Variants in ADD3 observed in about 807,000 individuals in gnomAD.
ADD3 encodes gamma-adducin.
ADD3 carries 25 observed loss-of-function variants against 80.2 expected under a neutral mutation model. That is an observed-to-expected ratio of 0.31 (90% CI 0.23 to 0.44). ADD3 has a LOEUF of 0.44. Ranked by LOEUF, ADD3 falls within the 20% of genes least tolerant of loss-of-function variation. The pLI, the probability that ADD3 is intolerant of heterozygous loss-of-function variation, is 1.00. For synonymous variants in ADD3, 284 were observed against 289.6 expected (o/e 0.98, Z 0.20); for missense variants, 829 against 847.5 (o/e 0.98, Z 0.27).
Position 110,050,497 on chromosome 10 carries a change from A to C in ADD3, c.-30+42198A>C, listed in dbSNP as rs185627948. ...CCCAGCCACGTGGAACTGTGAGTCC[A>C]TTAAACCTCTTTTTTTTTTTTTTTT... On this transcript the variant is annotated intron_variant, in intron 1 of 14. Coordinates refer to ENST00000356080, the MANE Select transcript of ADD3 (RefSeq NM_016824.5). Among the ~76,000 whole-genome samples, 439 of 144,280 alleles carry C rather than the reference A, an allele frequency of 3.0e-3. 1 individual carries two copies. Among genetic ancestry groups the C allele is most frequent in the Admixed American group, 7.1e-3 (104 of 14,638 alleles). The allele number at this position is 144,280 out of a possible 152,430, so 94.7% of individuals were successfully genotyped here.
intron 12 of ADD3, 96 bp from the exon 13 acceptor site, chr10:110,130,267 A>G: frequency 8.0e-7 from 1 of 1,257,498 alleles, no homozygotes; most frequent in Non-Finnish European, 1.1e-6. Flanking sequence ...CTTCACAAAC[A>G]TCATATTTGC....
At chr10:110,047,816 T>C (rs1183554972) in intron 1 of ADD3, among the ~76,000 whole-genome samples, 1 of 152,230 alleles carries the variant, frequency 6.6e-6, no homozygotes, top group East Asian at 1.9e-4. Flanking sequence ...CCTCAGAATA[T>C]CTTGGGAGTG....
chr10:110,013,991 G>A (rs1852629628), intron 1 of ADD3, among the ~76,000 whole-genome samples: 2 of 152,230 alleles, frequency 1.3e-5, no homozygotes, highest in Non-Finnish European at 2.9e-5. Context: ...TCCTGAGCAA[G>A]GACAGCATTT....
intron 1 of ADD3, among the ~76,000 whole-genome samples, chr10:110,020,321 G>A (rs1036640384): frequency 5.9e-5 from 9 of 152,272 alleles, no homozygotes; most frequent in African/African-American, 2.2e-4. Context: ...AATAAAGTAT[G>A]TGTTACGTTA....
Position 110,133,743 on chromosome 10 carries a change from A to T in ADD3, c.*125A>T. 1 of 750,576 alleles carries T rather than the reference A, an allele frequency of 1.3e-6. No homozygotes were observed. Among genetic ancestry groups the T allele is most frequent in the Non-Finnish European group, 1.9e-6 (1 of 514,852 alleles). 46.5% of individuals were successfully genotyped at this position (750,576 alleles called of 1,614,324 possible). Reference sequence around the variant, plus strand: ...GGGATGTAGCAAACTGGACTTTAAGAACTGGAAAGAGGTTTTACAAAAGAA... The same window carrying T: ...GGGATGTAGCAAACTGGACTTTAAGTACTGGAAAGAGGTTTTACAAAAGAA... On this transcript the variant is annotated 3_prime_UTR_variant, in exon 15 of 15. Transcript: ENST00000356080.
At chr10:110,030,323 TAA>T (rs551525504) in intron 1 of ADD3, among the ~76,000 whole-genome samples, 23 of 133,852 alleles carry the variant, frequency 1.7e-4, no homozygotes, top group Admixed American at 3.7e-4. Flanking sequence ...AACTCCATCT[TAA>T]AAAAAAAAAA....
chr10:110,050,357 A>C (rs1343967761), intron 1 of ADD3, among the ~76,000 whole-genome samples: 1 of 152,088 alleles, frequency 6.6e-6, no homozygotes, highest in Non-Finnish European at 1.5e-5. Flanking sequence ...GTAGTGAGTA[A>C]GTCTGAGATC....
At chr10:110,057,580 C>T (rs1287316368) in intron 1 of ADD3, among the ~76,000 whole-genome samples, 2 of 152,016 alleles carry the variant, frequency 1.3e-5, no homozygotes, top group Non-Finnish European at 1.5e-5. Context: ...TAAATGGTGT[C>T]GGTGCAGTCT....
At chr10:110,010,501 G>A (rs766437771) in intron 1 of ADD3, among the ~76,000 whole-genome samples, 9 of 152,276 alleles carry the variant, frequency 5.9e-5, no homozygotes, top group Middle Eastern at 3.4e-3. Context: ...TGCTTAGAAT[G>A]GGGTTTGTAT....
At chr10:110,011,774 C>A (rs374459569) in intron 1 of ADD3, among the ~76,000 whole-genome samples, 1 of 152,174 alleles carries the variant, frequency 6.6e-6, no homozygotes, top group Non-Finnish European at 1.5e-5. Flanking sequence ...AAATAAGTGC[C>A]TTAATACTTT....
At chr10:110,008,750 G>A (rs188458440) in intron 1 of ADD3, among the ~76,000 whole-genome samples, 211 of 152,190 alleles carry the variant, frequency 1.4e-3, no homozygotes, top group Middle Eastern at 3.4e-3. Context: ...AGCGAATGTT[G>A]GTTTTAGTTG....
chr10:110,089,655 G>T (rs78627683), intron 1 of ADD3, among the ~76,000 whole-genome samples: 1 of 151,748 alleles, frequency 6.6e-6, no homozygotes, highest in Non-Finnish European at 1.5e-5. Flanking sequence ...TTCTGTGGTT[G>T]ATTGTTTTAC....
intron 1 of ADD3, among the ~76,000 whole-genome samples, chr10:110,098,451 A>T (rs1476273559): frequency 6.6e-6 from 1 of 152,180 alleles, no homozygotes; most frequent in Non-Finnish European, 1.5e-5. Flanking sequence ...AGAGCTTGAA[A>T]ATGTTTTTAT....
At position 110,013,532 on chromosome 10, in the gene ADD3, G is replaced by A. The variant is rs138308644; in HGVS notation, c.-30+5233G>A. Among the ~76,000 whole-genome samples the A allele has an allele frequency of 7.2e-4, 110 of 152,276 alleles. 1 individual carries two copies. The highest frequency in any genetic ancestry group is 2.4e-3 in the African/African-American group (99 of 41,552). On this transcript the variant is annotated intron_variant, in intron 1 of 14. Transcript: ENST00000356080. ...AACACTTCTGAGAAATTTAAGGACA[G>A]TAACATAATGTCTTTAAAACCAGTG...
intron 1 of ADD3, among the ~76,000 whole-genome samples, chr10:110,000,381 A>G (rs560595637): frequency 6.6e-6 from 1 of 152,316 alleles, no homozygotes; most frequent in East Asian, 1.9e-4. Context: ...AATCAGATCA[A>G]TTCAGTCTGC....
At chr10:110,039,125 C>A (rs1412786282) in intron 1 of ADD3, among the ~76,000 whole-genome samples, 1 of 152,200 alleles carries the variant, frequency 6.6e-6, no homozygotes, top group Non-Finnish European at 1.5e-5. Context: ...TTTAAGCCCA[C>A]TCTGGCCAGA....
intron 1 of ADD3, among the ~76,000 whole-genome samples, chr10:110,090,857 C>G (rs1847412013): frequency 6.6e-6 from 1 of 151,958 alleles, no homozygotes; most frequent in Admixed American, 6.6e-5. Context: ...GGTTTTTTCC[C>G]TTGACTTTAA....
intron 2 of ADD3, among the ~76,000 whole-genome samples, 172 bp from the exon 3 acceptor site, chr10:110,112,605 G>A (rs1253255669): frequency 6.6e-6 from 1 of 152,166 alleles, no homozygotes; most frequent in East Asian, 1.9e-4. Context: ...CAAGCATCTT[G>A]CTGCTTCTTG....
chr10:110,065,923 T>C (rs1843897166), intron 1 of ADD3, among the ~76,000 whole-genome samples: 1 of 152,050 alleles, frequency 6.6e-6, no homozygotes, highest in African/African-American at 2.4e-5. Context: ...TGTATTTTAG[T>C]TTACTCTCTT....
Sources: gnomAD v4.1 joint callset for allele counts (sites outside exome capture counted in the v4.1 genomes callset) on GRCh38, gnomAD v4.1.1 for gene constraint, MANE v1.5 for transcripts, NCBI Gene and HGNC (gene_info 2026-07-23, HGNC 2026-07-21) for gene names.